The following AKAP13 variants were observed in gnomAD, a reference collection of about 807,000 sequenced individuals.
AKAP13 encodes A-kinase anchoring protein 13, also known as A-kinase anchor protein 13.
In AKAP13, 80 loss-of-function variants were observed where a neutral mutation model predicts 264.5. The observed-to-expected ratio is 0.30, with a 90% confidence interval of 0.25 to 0.36. The LOEUF is 0.36. AKAP13 is among the 10% of genes least tolerant of loss of function. The pLI is 1.00. For missense variants in AKAP13, 3,712 were observed against 3,435.2 expected, an observed-to-expected ratio of 1.08 and a Z score of -2.01; for synonymous variants, 1,380 against 1,250.2, an observed-to-expected ratio of 1.10 and a Z score of -2.19.
At chr15:85,413,405 A>T (rs557708301) in intron 1 of AKAP13, among the ~76,000 whole-genome samples, 14 of 152,330 alleles carry the variant, frequency 9.2e-5, no homozygotes, top group Non-Finnish European at 1.8e-4. Context: ...GTCGTTGCTT[A>T]TGCTAGTTCT....
intron 33 of AKAP13, among the ~76,000 whole-genome samples, chr15:85,738,253 A>C (rs181157926): frequency 6.6e-6 from 1 of 151,590 alleles, no homozygotes; most frequent in African/African-American, 2.4e-5. Context: ...TTAGCCAGGC[A>C]TGGTGGTGGA....
At chr15:85,447,396 G>C (rs961455594) in intron 1 of AKAP13, among the ~76,000 whole-genome samples, 1 of 151,964 alleles carries the variant, frequency 6.6e-6, no homozygotes, top group Non-Finnish European at 1.5e-5. Context: ...TTTTAGGTTT[G>C]GGGATACATG....
At chr15:85,610,142 G>A (rs1426583113) in intron 8 of AKAP13, among the ~76,000 whole-genome samples, 3 of 152,116 alleles carry the variant, frequency 2.0e-5, no homozygotes, top group African/African-American at 2.4e-5. Flanking sequence ...CTAATTGACC[G>A]TGGCATGCTG....
At chr15:85,384,924 A>G (rs925624157) in intron 1 of AKAP13, among the ~76,000 whole-genome samples, 9 of 152,180 alleles carry the variant, frequency 5.9e-5, no homozygotes, top group Non-Finnish European at 1.2e-4. Flanking sequence ...CCGTGATTGT[A>G]TGAACATTTG....
intron 8 of AKAP13, among the ~76,000 whole-genome samples, chr15:85,611,265 C>G (rs1324641149): frequency 6.6e-6 from 1 of 152,160 alleles, no homozygotes; most frequent in Non-Finnish European, 1.5e-5. Context: ...CCCCTGAGTT[C>G]CAGTCACACA....
At chr15:85,392,415 C>T (rs559335884) in intron 1 of AKAP13, among the ~76,000 whole-genome samples, 12 of 150,998 alleles carry the variant, frequency 7.9e-5, no homozygotes, top group South Asian at 2.1e-4. Flanking sequence ...CCACCACGCC[C>T]GGCTAATTTT....
intron 4 of AKAP13, among the ~76,000 whole-genome samples, chr15:85,543,296 C>T (rs958499212): frequency 1.3e-5 from 2 of 152,184 alleles, no homozygotes; most frequent in African/African-American, 2.4e-5. Context: ...CTAGCCAACT[C>T]CTGTCTGGGT....
At chr15:85,399,527 A>AAAAAAAAAAAT (rs1567038675) in intron 1 of AKAP13, among the ~76,000 whole-genome samples, 11 of 114,738 alleles carry the variant, frequency 9.6e-5, no homozygotes, top group East Asian at 2.3e-4. Flanking sequence ...AAAAAATAAA[A>AAAAAAAAAAAT]AAATAAAAAA....
chr15:85,533,459 A>G, intron 3 of AKAP13, 125 bp from the exon 4 acceptor site: 2 of 831,142 alleles, frequency 2.4e-6, no homozygotes, highest in Non-Finnish European at 3.5e-6. Flanking sequence ...CTCAAGAGGA[A>G]GGAGGGGGTG....
At chr15:85,542,545 T>C (rs2169876) in intron 4 of AKAP13, among the ~76,000 whole-genome samples, 133,950 of 152,242 alleles carry the variant, frequency 0.88, 58,979 homozygotes, top group South Asian at 0.89. Flanking sequence ...TCCGAGTGCT[T>C]AGTGAAGAAG....
rs765210484 is a variant in AKAP13 at position 85,721,971 on chromosome 15, C to G, written c.6253-20C>G. On this transcript the variant is annotated intron_variant, in intron 23 of 36. Coordinates refer to ENST00000394518, the MANE Select transcript of AKAP13 (RefSeq NM_007200.5). ...AGTTTGGCGCCCCATGGCATAACTT[C>G]TGTTCTCTTTTCTCTGCAGTTTTCA... 9 of 1,613,440 alleles carry G rather than the reference C, an allele frequency of 5.6e-6. No individual in the cohort carries two copies. The highest frequency in any genetic ancestry group is 7.6e-6 in the Non-Finnish European group (9 of 1,179,694).
chr15:85,695,189 G>A (rs2085499564), intron 17 of AKAP13, among the ~76,000 whole-genome samples: 1 of 152,160 alleles, frequency 6.6e-6, no homozygotes, highest in South Asian at 2.1e-4. Flanking sequence ...CGGATCACCT[G>A]AAGTCAGAAA....
chr15:85,725,818 G>T (rs1158712809), intron 26 of AKAP13, among the ~76,000 whole-genome samples: 1 of 152,166 alleles, frequency 6.6e-6, no homozygotes, highest in Non-Finnish European at 1.5e-5. Context: ...ATTGCATATG[G>T]AGCTGAGGAA....
At position 85,533,747 on chromosome 15, in the gene AKAP13, T is replaced by C. The variant is rs1207239470; in HGVS notation, c.345T>C (p.Phe115=). ...TSAGNQQALN[F]TRFLDQSGPP... The stretch of plus-strand genomic sequence containing the variant: ...CTGGAAATCAGCAGGCTTTGAACTT[T>C]ACCCGTTTTCTTGACCAGTCAGGAC... The change falls in exon 4 of 37, where the codon TTT becomes TTC. Residue 115 remains phenylalanine (F), a synonymous_variant. Transcript: ENST00000394518. 24 of 1,614,226 alleles carry C rather than the reference T, an allele frequency of 1.5e-5. No individual in the cohort carries two copies. The highest frequency in any genetic ancestry group is 2.2e-5 in the East Asian group (1 of 44,884).
At chr15:85,691,627 A>G (rs2085292096) in intron 16 of AKAP13, among the ~76,000 whole-genome samples, 1 of 152,162 alleles carries the variant, frequency 6.6e-6, no homozygotes, top group South Asian at 2.1e-4. Flanking sequence ...GGCCAACTTA[A>G]TCTGGCACTT....
In AKAP13 at chr15:85,638,913, C is replaced by T. The variant is rs546316716; in HGVS notation, c.4162-461C>T. Among the ~76,000 whole-genome samples, 35 of 152,186 alleles carry T rather than the reference C, an allele frequency of 2.3e-4. No homozygotes were observed. In the South Asian group the frequency reaches 7.3e-3, roughly 32 times the overall value. On this transcript the variant is annotated intron_variant, in intron 8 of 36. Transcript: ENST00000394518. ...CTGGGATTACAGGCGTGCACCACCA[C>T]CATGCCTGGGTAAATTTTGTATTTT...
At chr15:85,432,713 T>C (rs1430806060) in intron 1 of AKAP13, among the ~76,000 whole-genome samples, 1 of 152,220 alleles carries the variant, frequency 6.6e-6, no homozygotes, top group Non-Finnish European at 1.5e-5. Context: ...AAATGGTCCA[T>C]GATCCTGGCA....
chr15:85,571,030 A>T (rs1310698608), intron 5 of AKAP13, among the ~76,000 whole-genome samples: 1 of 151,454 alleles, frequency 6.6e-6, no homozygotes, highest in Middle Eastern at 3.2e-3. Context: ...GAGAAAGGAG[A>T]AAAGGTCTTT....
intron 2 of AKAP13, among the ~76,000 whole-genome samples, chr15:85,512,709 T>G (rs2151126856): frequency 6.6e-6 from 1 of 152,314 alleles, no homozygotes; most frequent in African/African-American, 2.4e-5. Context: ...GCAAAGCACC[T>G]CAGTCAGCCC....
Sources: gnomAD v4.1 joint callset for allele counts (sites outside exome capture counted in the v4.1 genomes callset) on GRCh38, gnomAD v4.1.1 for gene constraint, MANE v1.5 for transcripts, NCBI Gene and HGNC (gene_info 2026-07-23, HGNC 2026-07-21) for gene names.